The following ZMAT4 variants were observed in gnomAD, a reference collection of about 807,000 sequenced individuals.
The protein encoded by ZMAT4 is zinc finger matrin-type 4.
ZMAT4 carries 17 observed loss-of-function variants against 28.7 expected under a neutral mutation model. That is an observed-to-expected ratio of 0.59 (90% CI 0.41 to 0.89). The LOEUF is 0.89. Ranked by LOEUF, ZMAT4 falls within the 40% of genes least tolerant of loss-of-function variation. ZMAT4 has a pLI of 0.00. For synonymous variants in ZMAT4, 117 were observed against 109.2 expected, an observed-to-expected ratio of 1.07 and a Z score of -0.44; for missense variants, 240 against 283.8, an observed-to-expected ratio of 0.85 and a Z score of 1.11.
intron 1 of ZMAT4, among the ~76,000 whole-genome samples, chr8:40,855,679 C>CTT (rs34420719): frequency 1.4e-5 from 2 of 139,908 alleles, no homozygotes; most frequent in African/African-American, 5.3e-5. Context: ...TTCACCAAAA[C>CTT]TTTTTTTTTT....
At chr8:40,761,324 A>C (rs1011259264) in intron 3 of ZMAT4, among the ~76,000 whole-genome samples, 1 of 152,096 alleles carries the variant, frequency 6.6e-6, no homozygotes, top group Non-Finnish European at 1.5e-5. Flanking sequence ...ATAAATATTG[A>C]ATGAAAGTCA....
At chr8:40,666,660 C>G (rs1808427191) in intron 5 of ZMAT4, among the ~76,000 whole-genome samples, 1 of 152,070 alleles carries the variant, frequency 6.6e-6, no homozygotes, top group Non-Finnish European at 1.5e-5. Flanking sequence ...TTCTATATAT[C>G]AGCAACACAT....
chr8:40,610,887 A>C (rs1381619895), intron 5 of ZMAT4, among the ~76,000 whole-genome samples: 1 of 151,392 alleles, frequency 6.6e-6, no homozygotes, highest in Non-Finnish European at 1.5e-5. Context: ...GTAGTCCTAG[A>C]CTAAATTTTC....
At chr8:40,541,645 T>A (rs1284558019) in intron 6 of ZMAT4, among the ~76,000 whole-genome samples, 1 of 152,126 alleles carries the variant, frequency 6.6e-6, no homozygotes, top group Non-Finnish European at 1.5e-5. Context: ...TGGGCTAGTG[T>A]CACTGAAAGT....
Position 40,825,671 on chromosome 8 carries a change from C to T in ZMAT4, c.6G>A (p.Lys2=), listed in dbSNP as rs373505245. 6.4e-7 allele frequency: 1 copy of T among 1,553,000 alleles called. No individual in the cohort carries two copies. The highest frequency in any genetic ancestry group is 1.4e-5 in the African/African-American group (1 of 73,462). The part of the protein sequence containing the change: M[K]SSDIDQDLFT... Reference sequence around the variant, plus strand: ...ATAAATCCTGATCAATATCGGAGGACTTCATCAGGCTACAAGAGAATCAAC... The same window carrying T: ...ATAAATCCTGATCAATATCGGAGGATTTCATCAGGCTACAAGAGAATCAAC... The change falls in exon 2 of 7, where the codon AAG becomes AAA. Residue 2 remains lysine (K), a synonymous_variant. Coordinates refer to ENST00000297737, the MANE Select transcript of ZMAT4 (RefSeq NM_024645.3).
intron 2 of ZMAT4, among the ~76,000 whole-genome samples, chr8:40,814,016 G>A (rs907532605): frequency 1.3e-5 from 2 of 152,190 alleles, no homozygotes; most frequent in Admixed American, 6.5e-5. Flanking sequence ...GGCTGGGGAC[G>A]GGGTGGAGAG....
chr8:40,667,313 G>A (rs1453435510), intron 5 of ZMAT4, among the ~76,000 whole-genome samples: 4 of 151,772 alleles, frequency 2.6e-5, no homozygotes, highest in Non-Finnish European at 5.9e-5. Context: ...CCGCCACCAC[G>A]CCCGGCTAAT....
chr8:40,630,961 TA>T (rs1563375474), intron 5 of ZMAT4, among the ~76,000 whole-genome samples: 1 of 138,168 alleles, frequency 7.2e-6, no homozygotes, highest in Non-Finnish European at 1.6e-5. Flanking sequence ...AATATGAAAA[TA>T]TTAATTAGAA....
intron 3 of ZMAT4, among the ~76,000 whole-genome samples, chr8:40,710,972 G>C (rs1810590432): frequency 6.6e-6 from 1 of 152,024 alleles, no homozygotes; most frequent in Non-Finnish European, 1.5e-5. Flanking sequence ...TTTTAGTAGA[G>C]ACGGGGTTTC....
chr8:40,604,035 G>A lies in ZMAT4; in HGVS notation c.578-22774C>T, dbSNP rs140205615. On this transcript the variant is annotated intron_variant, in intron 5 of 6. Transcript: ENST00000297737. Reference sequence around the variant, plus strand: ...GATTCTCAGCTTGGTTGCTTTTGGCGTATAGCAGTGCTACTGATTTGTGTA... The same window carrying A: ...GATTCTCAGCTTGGTTGCTTTTGGCATATAGCAGTGCTACTGATTTGTGTA... Among the ~76,000 whole-genome samples the A allele has an allele frequency of 3.2e-3, 481 of 152,254 alleles. 5 individuals carry two copies. Among genetic ancestry groups the A allele is most frequent in the African/African-American group, 0.01 (416 of 41,558 alleles).
intron 1 of ZMAT4, among the ~76,000 whole-genome samples, chr8:40,880,749 C>T (rs965932320): frequency 1.3e-5 from 2 of 152,170 alleles, no homozygotes; most frequent in East Asian, 1.9e-4. Context: ...GACTATGATA[C>T]TATGCTAATT....
intron 5 of ZMAT4, among the ~76,000 whole-genome samples, chr8:40,612,001 T>C (rs1173517507): frequency 6.6e-6 from 1 of 152,138 alleles, no homozygotes; most frequent in Non-Finnish European, 1.5e-5. Flanking sequence ...GTCCAGCACA[T>C]GGGAGGAGCA....
At chr8:40,840,822 TAC>T (rs1816524743) in intron 1 of ZMAT4, among the ~76,000 whole-genome samples, 1 of 152,236 alleles carries the variant, frequency 6.6e-6, no homozygotes, top group African/African-American at 2.4e-5. Flanking sequence ...CCAATGTAGT[TAC>T]AGTTACTATA....
chr8:40,668,560 T>C (rs1261964578), intron 5 of ZMAT4, among the ~76,000 whole-genome samples: 1 of 150,842 alleles, frequency 6.6e-6, no homozygotes, highest in Non-Finnish European at 1.5e-5. Flanking sequence ...TGCCCTATTC[T>C]AGGGAAAAAA....
chr8:40,732,015 C>T (rs901110331), intron 3 of ZMAT4, among the ~76,000 whole-genome samples: 6 of 152,030 alleles, frequency 3.9e-5, no homozygotes, highest in Admixed American at 1.3e-4. Context: ...GAGGTACCTA[C>T]GGGAGTCAGA....
At chr8:40,725,633 A>C (rs1036054295) in intron 3 of ZMAT4, among the ~76,000 whole-genome samples, 3 of 152,100 alleles carry the variant, frequency 2.0e-5, no homozygotes, top group Non-Finnish European at 1.5e-5. Context: ...GCTTATGTAC[A>C]CTAAATATCT....
chr8:40,785,428 G>A (rs1326025619), intron 2 of ZMAT4, among the ~76,000 whole-genome samples: 1 of 152,184 alleles, frequency 6.6e-6, no homozygotes, highest in Non-Finnish European at 1.5e-5. Flanking sequence ...AAGGTACAAT[G>A]TACTGTAGGT....
At chr8:40,717,674 A>G (rs1438943475) in intron 3 of ZMAT4, among the ~76,000 whole-genome samples, 1 of 152,126 alleles carries the variant, frequency 6.6e-6, no homozygotes, top group Non-Finnish European at 1.5e-5. Context: ...AAAGCAAACA[A>G]AAAAATTAAT....
chr8:40,549,430 G>A (rs913071638), intron 6 of ZMAT4, among the ~76,000 whole-genome samples: 1 of 152,058 alleles, frequency 6.6e-6, no homozygotes. Context: ...TTGGCTGCTG[G>A]ATAAATCAGT....
Sources: allele counts gnomAD v4.1 joint callset (sites outside exome capture counted in the v4.1 genomes callset), GRCh38; gene constraint gnomAD v4.1.1; transcripts MANE v1.5; gene names NCBI Gene and HGNC (gene_info 2026-07-23, HGNC 2026-07-21).